Variants in BTN2A2 observed in about 807,000 individuals in gnomAD.
The protein encoded by BTN2A2 is butyrophilin 2.
BTN2A2 carries 29 observed loss-of-function variants against 34.7 expected under a neutral mutation model. The observed-to-expected ratio is 0.84, with a 90% CI of 0.62 to 1.14. The LOEUF is 1.14. Ranked by LOEUF, BTN2A2 falls within the 50% of genes most tolerant of loss-of-function variation. The probability of loss-of-function intolerance (pLI) is 0.00; values close to 1 mark genes in which losing one functional copy is unlikely to be tolerated. For synonymous variants in BTN2A2, 240 were observed against 253.1 expected (o/e 0.95, Z 0.49); for missense variants, 612 against 651.5 (o/e 0.94, Z 0.66).
In BTN2A2 at chr6:26,385,081, G is replaced by A. The variant is rs895640925; in HGVS notation, c.161G>A (p.Arg54His). The stretch of plus-strand genomic sequence containing the variant: ...ATGGTGGGAGAAAACACTACATTAC[G>A]CTGCCATCTGTCACCCGAGAAAAAT... ...LAMVGENTTL[R>H]CHLSPEKNAE... The change falls in exon 3 of 8, where the codon CGC (arginine) becomes CAC (histidine). Residue 54 changes from arginine (R) to histidine (H), a missense_variant. Arg to His is a conservative substitution (Grantham distance 29). Transcript: ENST00000356709. The A allele has an allele frequency of 9.9e-6, 16 of 1,613,780 alleles. No individual in the cohort carries two copies. The highest frequency in any genetic ancestry group is 2.7e-5 in the African/African-American group (2 of 74,846).
intron 3 of BTN2A2, 147 bp downstream of exon 3, chr6:26,385,509 G>T (rs1443640406): frequency 3.2e-5 from 24 of 740,920 alleles, no homozygotes; most frequent in Non-Finnish European, 5.0e-5. Context: ...TTGCACAAAG[G>T]CCACATGAGT....
Position 26,392,851 on chromosome 6 carries a change from T to G in BTN2A2, c.1456T>G (p.Leu486Val). ...FTVPVRPFFR[L>V]GSDDSPIFIC... ...TGTGCCTGTGAGGCCCTTCTTCAGG[T>G]TAGGGTCTGATGACAGCCCCATCTT... Residue 486 changes from leucine to valine, a missense_variant, in exon 8 of 8, where the codon TTA (leucine) becomes GTA (valine). Physicochemically the swap from Leu to Val is conservative, Grantham distance 32. Transcript: ENST00000356709. 6.2e-7 allele frequency: 1 copy of G among 1,614,144 alleles called. No homozygotes were observed. Among genetic ancestry groups the G allele is most frequent in the African/African-American group, 1.3e-5 (1 of 75,024 alleles).
At position 26,392,863 on chromosome 6, in the gene BTN2A2, G is replaced by A. The variant is rs1368330980; in HGVS notation, c.1468G>A (p.Asp490Asn). The change falls in exon 8 of 8, where the codon GAC becomes AAC. Residue 490 changes from aspartate to asparagine, a missense_variant. Coordinates refer to ENST00000356709, the MANE Select transcript of BTN2A2 (RefSeq NM_006995.5). ...VRPFFRLGSD[D>N]SPIFICPALT... The stretch of plus-strand genomic sequence containing the variant: ...GCCCTTCTTCAGGTTAGGGTCTGAT[G>A]ACAGCCCCATCTTCATCTGCCCTGC... 1 of 1,614,186 alleles carries A rather than the reference G, an allele frequency of 6.2e-7. No homozygotes were observed. Among genetic ancestry groups the A allele is most frequent in the South Asian group, 1.1e-5 (1 of 91,088 alleles).
rs772088652 is a variant in BTN2A2, at chr6:26,392,448, G to A, written c.1053G>A (p.Arg351=). The A allele has an allele frequency of 6.8e-6, 11 of 1,614,230 alleles. No homozygotes were observed. The South Asian group carries it at 1.1e-4, about 16-fold the overall frequency. Residue 351 remains arginine (R), a synonymous_variant, in exon 8 of 8, where the codon CGG becomes CGA. Coordinates refer to ENST00000356709, the MANE Select transcript of BTN2A2 (RefSeq NM_006995.5). ...CAGAGGACCGGAGAAGTGTGAGGCG[G>A]GGCCCCTACAGGCAGAGAGTGCCTG... is the stretch of plus-strand genomic sequence containing the variant. ...FLSEDRRSVR[R]GPYRQRVPDN...
In BTN2A2 at chr6:26,392,925, G is replaced by A. The variant is rs1291280055; in HGVS notation, c.1530G>A (p.Glu510=). ...CCAGTGGGGTCATGGTGCCTGAAGA[G>A]GGCCTGAAACTTCACAGAGTGGGGA... ...TGASGVMVPE[E]GLKLHRVGTH... Residue 510 remains glutamate (E), a synonymous_variant, in exon 8 of 8, where the codon GAG becomes GAA. Coordinates refer to ENST00000356709, the MANE Select transcript of BTN2A2 (RefSeq NM_006995.5). 5 of 1,614,192 alleles carry A rather than the reference G, an allele frequency of 3.1e-6. No homozygotes were observed. The highest frequency in any genetic ancestry group is 1.1e-5 in the South Asian group (1 of 91,088).
chr6:26,386,756 C>T (rs1761228367), intron 3 of BTN2A2, among the ~76,000 whole-genome samples: 1 of 152,154 alleles, frequency 6.6e-6, no homozygotes, highest in African/African-American at 2.4e-5. Context: ...TGATTTTTCC[C>T]TTAAATCTAT....
rs967263652 is a variant in BTN2A2 at position 26,393,288 on chromosome 6, A to G, written c.*321A>G. ...CCTACTGTTTAAAATCAGGATAACC[A>G]CATTAAGCCCAATATGCCAGTTGGC... On this transcript the variant is annotated 3_prime_UTR_variant, in exon 8 of 8. Coordinates refer to ENST00000356709, the MANE Select transcript of BTN2A2 (RefSeq NM_006995.5). 30 of 1,342,180 alleles carry G rather than the reference A, an allele frequency of 2.2e-5. No individual in the cohort carries two copies. The African/African-American group carries it at 4.0e-4, about 18-fold the overall frequency. The allele number at this position is 1,342,180 out of a possible 1,614,324, so 83.1% of individuals were successfully genotyped here. A position where few individuals can be genotyped will look rare whatever the true frequency, so the allele number is the denominator to read the frequency against.
At chr6:26,390,318 A>C (rs1303794887) in intron 5 of BTN2A2, 107 bp downstream of exon 5, 1 of 1,168,914 alleles carries the variant, frequency 8.6e-7, no homozygotes. Context: ...CAGCTCTCAC[A>C]GGTACCGGCT....
intron 4 of BTN2A2, among the ~76,000 whole-genome samples, chr6:26,388,707 A>G (rs1010552636): frequency 1.6e-4 from 25 of 152,218 alleles, no homozygotes; most frequent in African/African-American, 6.0e-4. Context: ...AGAGACATTC[A>G]TAAATGTATT....
chr6:26,387,790 A>G (rs1761299715), intron 3 of BTN2A2, among the ~76,000 whole-genome samples: 2 of 152,204 alleles, frequency 1.3e-5, no homozygotes, highest in Admixed American at 6.5e-5. Flanking sequence ...GCAAGCATTT[A>G]TAGCAGACAG....
chr6:26,385,348 G>A lies in BTN2A2; in HGVS notation c.428G>A (p.Arg143His), dbSNP rs201687793. The A allele has an allele frequency of 8.7e-6, 14 of 1,612,660 alleles. No individual in the cohort carries two copies. The highest frequency in any genetic ancestry group is 6.7e-5 in the East Asian group (3 of 44,830). The change falls in exon 3 of 8, where the codon CGC (arginine) becomes CAC (histidine). Residue 143 changes from arginine (R) to histidine (H), a missense_variant. Physicochemically the swap from Arg to His is conservative, Grantham distance 29. Coordinates refer to ENST00000356709, the MANE Select transcript of BTN2A2 (RefSeq NM_006995.5). ...AGGTCCTACGATGAGGCCATCCTAC[G>A]CCTCGTGGTGGCAGGTGCATCACTT... ...EGRSYDEAILRLVVAGLGSKP... is the reference protein window; with the variant it reads ...EGRSYDEAILHLVVAGLGSKP...
In BTN2A2 at chr6:26,394,545, TTCA is replaced by T. The variant is rs1394900310; in HGVS notation, c.*1579_*1581del. ...ACTCCTGGCTCTCCGGCCTTTGAAC[TTCA>T]GGACTTGTACCAGGAGGCCCTGGGT... On this transcript the variant is annotated 3_prime_UTR_variant, in exon 8 of 8. Transcript: ENST00000356709. The T allele has an allele frequency of 7.2e-5, 36 of 500,464 alleles. No homozygotes were observed. Among genetic ancestry groups the T allele is most frequent in the Non-Finnish European group, 1.1e-4 (32 of 282,642 alleles). The allele number at this position is 500,464 out of a possible 1,614,324, so 31.0% of individuals were successfully genotyped here.
rs768979954 is a variant in BTN2A2 at position 26,385,352 on chromosome 6, C to T, written c.432C>T (p.Leu144=). 1.1e-5 allele frequency: 18 copies of T among 1,612,190 alleles called. No individual in the cohort carries two copies. In the African/African-American group the frequency reaches 1.2e-4, roughly 11 times the overall value. ...GRSYDEAILR[L]VVAGLGSKPL... ...CCTACGATGAGGCCATCCTACGCCTCGTGGTGGCAGGTGCATCACTTCATT... is the reference window on the plus strand; with the variant it reads ...CCTACGATGAGGCCATCCTACGCCTTGTGGTGGCAGGTGCATCACTTCATT... The change falls in exon 3 of 8, where the codon CTC becomes CTT. Residue 144 remains leucine (L), a synonymous_variant. Transcript: ENST00000356709.
Position 26,394,546 on chromosome 6 carries a change from T to C in BTN2A2, c.*1579T>C. The stretch of plus-strand genomic sequence containing the variant: ...CTCCTGGCTCTCCGGCCTTTGAACT[T>C]CAGGACTTGTACCAGGAGGCCCTGG... On this transcript the variant is annotated 3_prime_UTR_variant, in exon 8 of 8. Coordinates refer to ENST00000356709, the MANE Select transcript of BTN2A2 (RefSeq NM_006995.5). 1 of 500,736 alleles carries C rather than the reference T, an allele frequency of 2.0e-6. No homozygotes were observed. The allele number at this position is 500,736 out of a possible 1,614,324, so 31.0% of individuals were successfully genotyped here. A position where few individuals can be genotyped will look rare whatever the true frequency, so the allele number is the denominator to read the frequency against.
chr6:26,386,722 C>T (rs1304635273), intron 3 of BTN2A2, among the ~76,000 whole-genome samples: 1 of 152,218 alleles, frequency 6.6e-6, no homozygotes, highest in Non-Finnish European at 1.5e-5. Context: ...TTATTGTACT[C>T]TGTTTGTTGG....
At position 26,390,112 on chromosome 6, in the gene BTN2A2, T is replaced by G. The variant is rs1395372295; in HGVS notation, c.832T>G (p.Phe278Val). ...TGTCATCCTGGCTGTTTTCATCATC[T>G]TCATGGCTGTCAGCATCTGTTGCAT... ...MTVILAVFII[F>V]MAVSICCIKK... is the part of the protein sequence containing the mutation. Residue 278 changes from phenylalanine (F) to valine (V), a missense_variant, in exon 5 of 8, where the codon TTC becomes GTC. Phe to Val is a conservative substitution (Grantham distance 50). Transcript: ENST00000356709. The G allele has an allele frequency of 1.1e-5, 18 of 1,614,176 alleles. No individual in the cohort carries two copies. Among genetic ancestry groups the G allele is most frequent in the Non-Finnish European group, 1.5e-5 (18 of 1,180,040 alleles).
At chr6:26,390,565 C>A in intron 5 of BTN2A2, 122 bp from the exon 6 acceptor site, 1 of 1,219,120 alleles carries the variant, frequency 8.2e-7, no homozygotes, top group Admixed American at 1.8e-5. Context: ...GTTCCTTAGG[C>A]ATAAACGAAG....
intron 7 of BTN2A2, chr6:26,392,103 C>T: frequency 1.1e-6 from 1 of 900,396 alleles, no homozygotes; most frequent in Non-Finnish European, 1.7e-6. Flanking sequence ...AAACTGGGAA[C>T]CATTAATTTT....
chr6:26,390,364 A>G, intron 5 of BTN2A2, 153 bp downstream of exon 5: 1 of 814,158 alleles, frequency 1.2e-6, no homozygotes, highest in East Asian at 2.7e-5. Flanking sequence ...AGCAGCAGCC[A>G]CAAGGGCTTG....
Sources: gnomAD v4.1 joint callset for allele counts (sites outside exome capture counted in the v4.1 genomes callset) on GRCh38, gnomAD v4.1.1 for gene constraint, MANE v1.5 for transcripts, NCBI Gene and HGNC (gene_info 2026-07-23, HGNC 2026-07-21) for gene names.